The following RPTOR variants were observed in gnomAD, a reference collection of about 807,000 sequenced individuals.
RPTOR encodes the protein regulatory-associated protein of mTOR.
A neutral mutation model predicts 169.9 loss-of-function variants in RPTOR; 21 were observed. That is an observed-to-expected ratio of 0.12 (90% CI 0.09 to 0.18). The LOEUF (loss-of-function observed/expected upper bound fraction) is 0.18, where lower values mean the gene tolerates loss of function less well. RPTOR is among the 10% of genes least tolerant of loss of function. The pLI is 1.00. For synonymous variants in RPTOR, 732 were observed against 753.2 expected (o/e 0.97, Z 0.46); for missense variants, 1,133 against 1,855.9 (o/e 0.61, Z 7.16).
At position 80,695,882 on chromosome 17, in the gene RPTOR, G is replaced by A. The variant is rs561161716; in HGVS notation, c.349-11959G>A. ...GACCACTTTTGCCCTGCATGGCCTC[G>A]TGGCTGCCTTTTCTACCTGCGTGAG... On this transcript the variant is annotated intron_variant, in intron 3 of 33. Coordinates refer to ENST00000306801, the MANE Select transcript of RPTOR (RefSeq NM_020761.3). This position sits in a 1 kb window ranked among gnomAD's most constrained non-coding sequence, Gnocchi z 4.9. Among the ~76,000 whole-genome samples the A allele has an allele frequency of 6.6e-6, 1 of 152,192 alleles. No homozygotes were observed. The highest frequency in any genetic ancestry group is 1.5e-5 in the Non-Finnish European group (1 of 68,024).
intron 7 of RPTOR, among the ~76,000 whole-genome samples, chr17:80,810,084 T>A (rs1490715536): frequency 7.3e-6 from 1 of 137,452 alleles, no homozygotes; most frequent in Non-Finnish European, 1.6e-5. Flanking sequence ...AATAAATAAA[T>A]AAATAAATAA....
intron 4 of RPTOR, among the ~76,000 whole-genome samples, chr17:80,711,650 C>A (rs762075504): frequency 1.4e-4 from 21 of 151,358 alleles, no homozygotes; most frequent in Non-Finnish European, 2.6e-4. Flanking sequence ...GTTCCTCTTG[C>A]CTTTCATGTT....
intron 6 of RPTOR, among the ~76,000 whole-genome samples, chr17:80,779,654 CAT>C (rs1486012136): frequency 6.6e-6 from 1 of 152,016 alleles, no homozygotes; most frequent in Non-Finnish European, 1.5e-5. Flanking sequence ...CTCAGTGGCG[CAT>C]GTCTGGAGGC....
intron 9 of RPTOR, among the ~76,000 whole-genome samples, chr17:80,835,170 G>A (rs1344618790): frequency 6.6e-6 from 1 of 152,126 alleles, no homozygotes; most frequent in Admixed American, 6.6e-5. Context: ...TGCAAAGAGG[G>A]CCAGTCTTGG....
chr17:80,548,078 CTTTTTTTTTTTT>C, intron 1 of RPTOR, among the ~76,000 whole-genome samples: 1 of 102,772 alleles, frequency 9.7e-6, no homozygotes, highest in East Asian at 2.7e-4. Flanking sequence ...TTTTCTGTTT[CTTTTTTTTTTTT>C]TTTTTTTTTG....
chr17:80,718,616 G>C (rs1244292099), intron 4 of RPTOR, among the ~76,000 whole-genome samples: 1 of 152,208 alleles, frequency 6.6e-6, no homozygotes, highest in Non-Finnish European at 1.5e-5. Context: ...GAGTCTTACA[G>C]AAGAGAACAA....
chr17:80,678,087 C>T (rs542565055), intron 3 of RPTOR, among the ~76,000 whole-genome samples: 5 of 152,318 alleles, frequency 3.3e-5, no homozygotes, highest in African/African-American at 1.2e-4. Flanking sequence ...ACTTGAAAAT[C>T]GTAAAAAGAG....
chr17:80,707,127 C>G lies in RPTOR; in HGVS notation c.349-714C>G, dbSNP rs189056536. On this transcript the variant is annotated intron_variant, in intron 3 of 33. Transcript: ENST00000306801. This position sits in a 1 kb window ranked among gnomAD's most constrained non-coding sequence, Gnocchi z 5.0. The stretch of plus-strand genomic sequence containing the variant: ...GCGGAGGGAGGAGCTTTCAGCAGGG[C>G]GATTCCTTACTCGGTCTCTTCACTC... Among the ~76,000 whole-genome samples the G allele has an allele frequency of 6.6e-6, 1 of 152,154 alleles. No homozygotes were observed. Among genetic ancestry groups the G allele is most frequent in the South Asian group, 2.1e-4 (1 of 4,830 alleles).
chr17:80,883,535 A>T, intron 15 of RPTOR, 51 bp downstream of exon 15: 1 of 1,577,556 alleles, frequency 6.3e-7, no homozygotes, highest in Non-Finnish European at 8.7e-7. Context: ...GGCATTGCAG[A>T]GGAGCTGGGC....
Position 80,947,136 on chromosome 17 carries a change from TAGC to T in RPTOR, c.3141-87_3141-85del. ...CCGGCTGTGGTGTGTGGTTTTTTGA[TAGC>T]AGCCCGGTGGGTTTCAGGAGGTATC... On this transcript the variant is annotated intron_variant, in intron 26 of 33. Coordinates refer to ENST00000306801, the MANE Select transcript of RPTOR (RefSeq NM_020761.3). This position sits in a 1 kb window ranked among gnomAD's most constrained non-coding sequence, Gnocchi z 4.4. The T allele has an allele frequency of 3.1e-6, 4 of 1,304,324 alleles. No individual in the cohort carries two copies. Among genetic ancestry groups the T allele is most frequent in the East Asian group, 2.9e-5 (1 of 34,486 alleles). The allele number at this position is 1,304,324 out of a possible 1,614,324, so 80.8% of individuals were successfully genotyped here.
In RPTOR at chr17:80,940,519, G is replaced by A; in HGVS notation, c.2943G>A (p.Glu981=). 1 of 1,613,854 alleles carries A rather than the reference G, an allele frequency of 6.2e-7. No homozygotes were observed. The highest frequency in any genetic ancestry group is 2.2e-5 in the East Asian group (1 of 44,876). Residue 981 remains glutamate, a synonymous_variant, in exon 25 of 34, where the codon GAG becomes GAA. Coordinates refer to ENST00000306801, the MANE Select transcript of RPTOR (RefSeq NM_020761.3). ...AGATCCCAGAAGAGCACGACCTGGA[G>A]AGTCAGATCCGCAAGGAGCGGGAGT... The part of the protein sequence containing the change: ...VMKIPEEHDL[E]SQIRKEREWR...
At chr17:80,874,072 A>G (rs2068079832) in intron 13 of RPTOR, among the ~76,000 whole-genome samples, 1 of 152,212 alleles carries the variant, frequency 6.6e-6, no homozygotes, top group African/African-American at 2.4e-5. Context: ...CTTGATACCT[A>G]CAAATTTTAG....
chr17:80,939,393 A>G (rs962748391), intron 24 of RPTOR, among the ~76,000 whole-genome samples: 2 of 152,282 alleles, frequency 1.3e-5, no homozygotes, highest in Non-Finnish European at 2.9e-5. Flanking sequence ...ACACACACGC[A>G]TGCACGCAAA....
chr17:80,569,008 T>G (rs1411498581), intron 1 of RPTOR, among the ~76,000 whole-genome samples: 1 of 152,362 alleles, frequency 6.6e-6, no homozygotes, highest in Middle Eastern at 3.4e-3. Context: ...TTTCAAAATT[T>G]CAGATGCTAT....
At chr17:80,572,072 C>T (rs1485346712) in intron 1 of RPTOR, among the ~76,000 whole-genome samples, 2 of 152,192 alleles carry the variant, frequency 1.3e-5, no homozygotes, top group African/African-American at 2.4e-5. Flanking sequence ...CTTATCCATT[C>T]TACTGCTGAA....
chr17:80,921,956 G>A (rs921201376), intron 21 of RPTOR, among the ~76,000 whole-genome samples: 14 of 152,140 alleles, frequency 9.2e-5, no homozygotes, highest in Non-Finnish European at 1.8e-4. Flanking sequence ...ACAGCCCCTC[G>A]GCCAGGAGGA....
At chr17:80,893,444 T>C (rs1191840009) in intron 19 of RPTOR, among the ~76,000 whole-genome samples, 2 of 127,914 alleles carry the variant, frequency 1.6e-5, no homozygotes, top group Non-Finnish European at 3.2e-5. Context: ...GTGTGTGTAC[T>C]GGGTGTGTAT....
chr17:80,653,629 G>C (rs547847450), intron 3 of RPTOR, among the ~76,000 whole-genome samples: 1 of 152,308 alleles, frequency 6.6e-6, no homozygotes, highest in East Asian at 1.9e-4. Context: ...TAGTGGACTG[G>C]GAGCTTGGCA....
At chr17:80,674,378 G>A (rs779509000) in intron 3 of RPTOR, among the ~76,000 whole-genome samples, 1 of 152,108 alleles carries the variant, frequency 6.6e-6, no homozygotes, top group Non-Finnish European at 1.5e-5. Context: ...TTTCCTTTAA[G>A]GATGTTTCTT....
Sources: allele counts gnomAD v4.1 joint callset (sites outside exome capture counted in the v4.1 genomes callset), GRCh38; gene constraint gnomAD v4.1.1; non-coding constraint Gnocchi (gnomAD v3.1); transcripts MANE v1.5; gene names NCBI Gene and HGNC (gene_info 2026-07-23, HGNC 2026-07-21).